FGF12: variants seen among roughly 807,000 people sequenced by gnomAD.
FGF12 encodes the protein fibroblast growth factor 12B.
A neutral mutation model predicts 23.6 loss-of-function variants in FGF12; 14 were observed. That is an observed-to-expected ratio of 0.59 (90% CI 0.39 to 0.93). The LOEUF is 0.93. Ranked by LOEUF, FGF12 falls within the 40% of genes least tolerant of loss-of-function variation. The pLI is 0.00. For missense variants in FGF12, 175 were observed against 217.8 expected (o/e 0.80, Z 1.24); for synonymous variants, 62 against 77.3 (o/e 0.80, Z 1.04).
chr3:192,650,050 A>C (rs1716159225), intron 2 of FGF12, among the ~76,000 whole-genome samples: 1 of 152,218 alleles, frequency 6.6e-6, no homozygotes, highest in Non-Finnish European at 1.5e-5. Flanking sequence ...CACAGACTTC[A>C]TGTAGGAAAC....
At chr3:192,647,708 T>G (rs1241836746) in intron 2 of FGF12, among the ~76,000 whole-genome samples, 1 of 147,942 alleles carries the variant, frequency 6.8e-6, no homozygotes, top group Admixed American at 6.8e-5. Context: ...TATGTGTATA[T>G]ATACATATAT....
At chr3:192,156,384 T>G (rs1228189099) in intron 5 of FGF12, among the ~76,000 whole-genome samples, 1 of 152,162 alleles carries the variant, frequency 6.6e-6, no homozygotes, top group African/African-American at 2.4e-5. Flanking sequence ...GCAACACTTG[T>G]GATATAGATT....
intron 2 of FGF12, among the ~76,000 whole-genome samples, chr3:192,456,906 C>T (rs1183689608): frequency 2.6e-5 from 4 of 152,182 alleles, no homozygotes; most frequent in African/African-American, 9.7e-5. Flanking sequence ...TGTGTCCCTA[C>T]CCAAATCTCA....
At chr3:192,515,071 G>C in intron 2 of FGF12, 1 of 155,046 alleles carries the variant, frequency 6.4e-6, no homozygotes, top group Middle Eastern at 3.1e-3. Context: ...CGTCACTGCG[G>C]GTCGGTGCTT....
chr3:192,147,633 A>G (rs1040052484), intron 5 of FGF12, among the ~76,000 whole-genome samples: 1 of 152,174 alleles, frequency 6.6e-6, no homozygotes, highest in African/African-American at 2.4e-5. Flanking sequence ...CAGTGAATAT[A>G]GTAGGTGAGA....
At chr3:192,190,349 A>G (rs1418989538) in intron 4 of FGF12, among the ~76,000 whole-genome samples, 2 of 152,158 alleles carry the variant, frequency 1.3e-5, no homozygotes. Context: ...AAAATATTTT[A>G]AAGCATCCAC....
chr3:192,554,402 GAACA>G, intron 2 of FGF12, among the ~76,000 whole-genome samples: 1 of 152,104 alleles, frequency 6.6e-6, no homozygotes, highest in East Asian at 1.9e-4. Context: ...CAGCTCCAAA[GAACA>G]CAAACAGACA....
At chr3:192,201,807 A>T (rs1174550466) in intron 4 of FGF12, among the ~76,000 whole-genome samples, 1 of 152,370 alleles carries the variant, frequency 6.6e-6, no homozygotes, top group Admixed American at 6.5e-5. Flanking sequence ...ATAATAGAAG[A>T]GCAAGCAGGA....
chr3:192,213,746 T>C (rs1282899536), intron 4 of FGF12, among the ~76,000 whole-genome samples: 1 of 152,204 alleles, frequency 6.6e-6, no homozygotes, highest in African/African-American at 2.4e-5. Context: ...AACAGATAGA[T>C]TGAACACAGC....
chr3:192,597,683 G>T (rs1200835790), intron 2 of FGF12, among the ~76,000 whole-genome samples: 2 of 152,136 alleles, frequency 1.3e-5, no homozygotes, highest in Non-Finnish European at 2.9e-5. Flanking sequence ...GGAGAAACTG[G>T]CCACTCTGCA....
intron 2 of FGF12, among the ~76,000 whole-genome samples, chr3:192,531,122 A>G (rs1327304298): frequency 6.6e-6 from 1 of 152,204 alleles, no homozygotes; most frequent in Admixed American, 6.5e-5. Context: ...CTGCAGTTTA[A>G]TGTTTTAAAA....
At chr3:192,503,591 G>GTT (rs1450904732) in intron 2 of FGF12, among the ~76,000 whole-genome samples, 6 of 107,568 alleles carry the variant, frequency 5.6e-5, no homozygotes, top group African/African-American at 2.1e-4. Context: ...TTTTTTTGGT[G>GTT]TGTGTGTGTG....
intron 2 of FGF12, among the ~76,000 whole-genome samples, chr3:192,668,487 T>C (rs1716981471): frequency 6.6e-6 from 1 of 152,130 alleles, no homozygotes; most frequent in Non-Finnish European, 1.5e-5. Flanking sequence ...AGAGAAGAGT[T>C]CTTCCCACTC....
chr3:192,586,328 G>A (rs950908978), intron 2 of FGF12, among the ~76,000 whole-genome samples: 2 of 152,132 alleles, frequency 1.3e-5, no homozygotes, highest in Non-Finnish European at 2.9e-5. Flanking sequence ...CTGCTTATGA[G>A]CTACCTAATG....
chr3:192,249,489 C>T (rs1711857113), intron 4 of FGF12, among the ~76,000 whole-genome samples: 2 of 152,056 alleles, frequency 1.3e-5, no homozygotes, highest in South Asian at 4.1e-4. Flanking sequence ...TCAGTAGGGT[C>T]TTGAATGCTA....
At chr3:192,639,821 G>A (rs920922264) in intron 2 of FGF12, among the ~76,000 whole-genome samples, 7 of 152,074 alleles carry the variant, frequency 4.6e-5, no homozygotes, top group African/African-American at 1.7e-4. Flanking sequence ...GGTATTCTTG[G>A]GAGGTCCTGA....
chr3:192,237,744 G>A (rs539421640), intron 4 of FGF12, among the ~76,000 whole-genome samples: 5 of 152,208 alleles, frequency 3.3e-5, no homozygotes, highest in Admixed American at 6.5e-5. Flanking sequence ...CTGTTTCACC[G>A]TGTTCTTGGG....
At chr3:192,190,109 TA>T (rs951274825) in intron 4 of FGF12, among the ~76,000 whole-genome samples, 5 of 152,156 alleles carry the variant, frequency 3.3e-5, no homozygotes, top group African/African-American at 1.2e-4. Flanking sequence ...ATAAGAAATA[TA>T]AAAAATTATT....
intron 4 of FGF12, among the ~76,000 whole-genome samples, chr3:192,299,583 C>T (rs932512433): frequency 9.9e-5 from 15 of 152,272 alleles, no homozygotes; most frequent in Admixed American, 7.8e-4. Context: ...AATAAGTCTA[C>T]AGAAACTCCT....
Sources: allele counts gnomAD v4.1 joint callset (sites outside exome capture counted in the v4.1 genomes callset), GRCh38; gene constraint gnomAD v4.1.1; transcripts MANE v1.5; gene names NCBI Gene and HGNC (gene_info 2026-07-23, HGNC 2026-07-21).